ABHD3: variants seen among roughly 807,000 people sequenced by gnomAD.
ABHD3 encodes phospholipase ABHD3.
Under a neutral mutation model 48.8 loss-of-function variants are expected in ABHD3, and 46 were observed. The observed-to-expected ratio is 0.94, with a 90% confidence interval of 0.74 to 1.20. The LOEUF is 1.20. Among genes scored for constraint, ABHD3 ranks in the 50% most tolerant of loss-of-function variants. The pLI is 0.00. For missense variants in ABHD3, 490 were observed against 497.8 expected (o/e 0.98, Z 0.15); for synonymous variants, 192 against 183.7 (o/e 1.04, Z -0.36).
intron 4 of ABHD3, among the ~76,000 whole-genome samples, chr18:21,681,845 GC>G (rs1195530100): frequency 6.6e-6 from 1 of 152,154 alleles, no homozygotes; most frequent in African/African-American, 2.4e-5. Context: ...TCTGTAAAAT[GC>G]AGGACAGGGG....
chr18:21,663,942 G>A (rs1041141749), intron 5 of ABHD3, 176 bp downstream of exon 5: 9 of 1,426,906 alleles, frequency 6.3e-6, no homozygotes, highest in African/African-American at 1.4e-5. Flanking sequence ...AAATTCACCT[G>A]AATTAATTCT....
chr18:21,682,308 C>T (rs2040021855), intron 4 of ABHD3: 1 of 152,208 alleles, frequency 6.6e-6, no homozygotes, highest in African/African-American at 2.4e-5. Context: ...ACTGTACGCA[C>T]TTTATAATAC....
rs1257942362 is a variant in ABHD3, at chr18:21,663,689, T to C, written c.668+429A>G. 8 of 1,535,104 alleles carry C rather than the reference T, an allele frequency of 5.2e-6. No individual in the cohort carries two copies. In the African/African-American group the frequency reaches 6.9e-5, roughly 13 times the overall value. ...AAACAAAATACCACCTGGGGAAAAATAATTTTGAAGGCCACTGCAGCTGGA... is the reference window on the plus strand; with the variant it reads ...AAACAAAATACCACCTGGGGAAAAACAATTTTGAAGGCCACTGCAGCTGGA... On this transcript the variant is annotated intron_variant, in intron 5 of 8. Transcript: ENST00000289119.
intron 8 of ABHD3, among the ~76,000 whole-genome samples, chr18:21,652,331 GAAAGA>G (rs2039241942): frequency 6.7e-6 from 1 of 149,876 alleles, no homozygotes; most frequent in African/African-American, 2.5e-5. Flanking sequence ...CATCTTGAAA[GAAAGA>G]AAAGAAAGGA....
At chr18:21,670,117 C>T (rs2039723403) in intron 4 of ABHD3, among the ~76,000 whole-genome samples, 1 of 152,136 alleles carries the variant, frequency 6.6e-6, no homozygotes, top group African/African-American at 2.4e-5. Context: ...CCACCAATTC[C>T]CTTTTAGCCA....
chr18:21,696,926 TA>T (rs2040383191), intron 3 of ABHD3, among the ~76,000 whole-genome samples: 1 of 152,088 alleles, frequency 6.6e-6, no homozygotes, highest in Non-Finnish European at 1.5e-5. Context: ...AACTGATTAA[TA>T]AAATCTGAAA....
At chr18:21,675,158 G>C (rs1232432732) in intron 4 of ABHD3, among the ~76,000 whole-genome samples, 1 of 151,972 alleles carries the variant, frequency 6.6e-6, no homozygotes, top group African/African-American at 2.4e-5. Flanking sequence ...CAAGACACCA[G>C]GCTGCACAGC....
chr18:21,704,625 T>G lies in ABHD3; in HGVS notation c.41A>C (p.Glu14Ala). 1 of 1,546,714 alleles carries G rather than the reference T, an allele frequency of 6.5e-7. No homozygotes were observed. Among genetic ancestry groups the G allele is most frequent in the Non-Finnish European group, 8.7e-7 (1 of 1,149,320 alleles). ...TTGGTGTTCCAGGTAGAGGGAGAGC[T>G]CCCGGGACAACATCCGCAGGTCCAT... ...LAMDLRMLSR[E>A]LSLYLEHQVR... The change falls in exon 1 of 9, where the codon GAG (glutamate) becomes GCG (alanine). Residue 14 changes from glutamate to alanine, a missense_variant. Transcript: ENST00000289119.
chr18:21,692,055 T>A (rs113836828), intron 3 of ABHD3, among the ~76,000 whole-genome samples: 1 of 152,116 alleles, frequency 6.6e-6, no homozygotes, highest in Non-Finnish European at 1.5e-5. Context: ...GTTCAAACGG[T>A]TCTTTTGCCT....
At position 21,663,567 on chromosome 18, in the gene ABHD3, T is replaced by G. The variant is rs2039550060; in HGVS notation, c.668+551A>C. On this transcript the variant is annotated intron_variant, in intron 5 of 8. Coordinates refer to ENST00000289119, the MANE Select transcript of ABHD3 (RefSeq NM_138340.5). ...AGCAGCACAAATGACAATATCCGTA[T>G]GCTTAAAATAACAGCTGGAGTAGGG... 2.8e-6 allele frequency: 3 copies of G among 1,073,832 alleles called. No individual in the cohort carries two copies. The East Asian group carries it at 7.9e-5, about 28-fold the overall frequency. The allele number at this position is 1,073,832 out of a possible 1,614,324, so 66.5% of individuals were successfully genotyped here.
chr18:21,651,533 T>A lies in ABHD3; in HGVS notation c.*58A>T, dbSNP rs2039220919. On this transcript the variant is annotated 3_prime_UTR_variant, in exon 9 of 9. Coordinates refer to ENST00000289119, the MANE Select transcript of ABHD3 (RefSeq NM_138340.5). ...TATACAACAGTTAAAATTTGTGCAC[T>A]AAGCTGAGCTGCCTTCACAATTGTG... The A allele has an allele frequency of 4.4e-6, 7 of 1,600,268 alleles. No individual in the cohort carries two copies. Among genetic ancestry groups the A allele is most frequent in the Non-Finnish European group, 6.0e-6 (7 of 1,171,142 alleles).
chr18:21,700,589 G>A (rs1228926547), intron 3 of ABHD3, among the ~76,000 whole-genome samples: 2 of 150,134 alleles, frequency 1.3e-5, no homozygotes, highest in Non-Finnish European at 3.0e-5. Context: ...TAGTAGAGAC[G>A]AGGTTTCACC....
chr18:21,704,493 C>G lies in ABHD3; in HGVS notation c.162+11G>C, dbSNP rs953988873. The G allele has an allele frequency of 7.1e-7, 1 of 1,406,886 alleles. No individual in the cohort carries two copies. 87.2% of individuals were successfully genotyped at this position (1,406,886 alleles called of 1,614,324 possible). A position where few individuals can be genotyped will look rare whatever the true frequency, so the allele number is the denominator to read the frequency against. On this transcript the variant is annotated intron_variant, in intron 1 of 8. Transcript: ENST00000289119. ...CCAGCAGCCCGCGGCCCTGCGCCAC[C>G]CCCGGCTCACCTTGGCAATGCTGCT...
chr18:21,694,985 C>T (rs1156465270), intron 3 of ABHD3, among the ~76,000 whole-genome samples: 1 of 152,140 alleles, frequency 6.6e-6, no homozygotes, highest in Non-Finnish European at 1.5e-5. Context: ...TCCTCAGCAA[C>T]AGAACTCCCA....
At chr18:21,663,899 A>G in intron 5 of ABHD3, 1 of 1,441,392 alleles carries the variant, frequency 6.9e-7, no homozygotes, top group African/African-American at 1.4e-5. Context: ...CAAAATCCGC[A>G]GTCACAGAGA....
chr18:21,683,446 T>C (rs1173885873), intron 4 of ABHD3: 5 of 402,576 alleles, frequency 1.2e-5, no homozygotes, highest in Non-Finnish European at 2.1e-5. Context: ...ATTTCATAAG[T>C]GGAAAAAAAA....
intron 4 of ABHD3, among the ~76,000 whole-genome samples, chr18:21,669,677 A>G (rs984382603): frequency 3.3e-5 from 5 of 152,140 alleles, no homozygotes; most frequent in African/African-American, 1.2e-4. Context: ...CTCTTCATGA[A>G]AACTCCCAAC....
rs1313887532 is a variant in ABHD3, at chr18:21,703,574, A to G, written c.326+10T>C. The G allele has an allele frequency of 6.3e-7, 1 of 1,587,510 alleles. No individual in the cohort carries two copies. The highest frequency in any genetic ancestry group is 1.1e-5 in the South Asian group (1 of 89,788). Reference sequence around the variant, plus strand: ...TTTGCAGAAATGACTGAAAACGGAAATTCACTTACTTCCTGTACTGCACCG... The same window carrying G: ...TTTGCAGAAATGACTGAAAACGGAAGTTCACTTACTTCCTGTACTGCACCG... On this transcript the variant is annotated intron_variant, in intron 2 of 8. Coordinates refer to ENST00000289119, the MANE Select transcript of ABHD3 (RefSeq NM_138340.5).
chr18:21,703,922 A>G (rs1027212381), intron 1 of ABHD3, 175 bp from the exon 2 acceptor site: 20 of 630,828 alleles, frequency 3.2e-5, no homozygotes, highest in Admixed American at 2.6e-4. Context: ...GGTTTCGCCA[A>G]TGCCCCGAGG....
Sources: gnomAD v4.1 joint callset for allele counts (sites outside exome capture counted in the v4.1 genomes callset) on GRCh38, gnomAD v4.1.1 for gene constraint, MANE v1.5 for transcripts, NCBI Gene and HGNC (gene_info 2026-07-23, HGNC 2026-07-21) for gene names.